The following HSD11B1 variants were observed in gnomAD, a reference collection of about 807,000 sequenced individuals.
The protein encoded by HSD11B1 is hydroxysteroid 11-beta dehydrogenase 1, also known as 11-beta-hydroxysteroid dehydrogenase 1.
Under a neutral mutation model 22.1 loss-of-function variants are expected in HSD11B1, and 15 were observed. The ratio of observed to expected loss-of-function variants is 0.68; its 90% CI spans 0.45 to 1.04. HSD11B1 has a LOEUF of 1.04. Among genes scored for constraint, HSD11B1 ranks in the 50% least tolerant of loss-of-function variants. HSD11B1 has a pLI of 0.00. For missense variants in HSD11B1, 281 were observed against 357.6 expected (o/e 0.79, Z 1.73); for synonymous variants, 122 against 125.2 (o/e 0.97, Z 0.17).
Position 209,707,138 on chromosome 1 carries a change from A to G in HSD11B1, c.517+10A>G, listed in dbSNP as rs1280524126. 1 of 1,607,810 alleles carries G rather than the reference A, an allele frequency of 6.2e-7. No homozygotes were observed. Among genetic ancestry groups the G allele is most frequent in the Non-Finnish European group, 8.5e-7 (1 of 1,176,106 alleles). ...GTCTCCTCTCTGGCTGGTAAGTGGGACAGGGACATATGTGGAAGGTAGAAG... is the reference window on the plus strand; with the variant it reads ...GTCTCCTCTCTGGCTGGTAAGTGGGGCAGGGACATATGTGGAAGGTAGAAG... On this transcript the variant is annotated intron_variant, in intron 4 of 5. Coordinates refer to ENST00000367027, the MANE Select transcript of HSD11B1 (RefSeq NM_005525.4).
chr1:209,705,383 A>C (rs1044843296), intron 1 of HSD11B1, among the ~76,000 whole-genome samples: 4 of 152,032 alleles, frequency 2.6e-5, no homozygotes, highest in Non-Finnish European at 5.9e-5. Flanking sequence ...AAAAAAAAAA[A>C]AAAAAAAAAC....
upstream of HSD11B1, among the ~76,000 whole-genome samples, chr1:209,701,682 T>C (rs1424095808): frequency 6.6e-6 from 1 of 152,240 alleles, no homozygotes; most frequent in Admixed American, 6.5e-5. Flanking sequence ...TAAATAGTCA[T>C]GAAAAGCACT....
intron 4 of HSD11B1, among the ~76,000 whole-genome samples, chr1:209,712,778 C>T (rs1389378751): frequency 6.6e-6 from 1 of 152,196 alleles, no homozygotes; most frequent in Non-Finnish European, 1.5e-5. Flanking sequence ...TGGCCAGGCG[C>T]AGTGGTTTAC....
Position 209,706,894 on chromosome 1 carries a change from G to T in HSD11B1, c.332-49G>T, listed in dbSNP as rs2076863166. On this transcript the variant is annotated intron_variant, in intron 3 of 5. Transcript: ENST00000367027. This position sits in a 1 kb window ranked among gnomAD's most constrained non-coding sequence, Gnocchi z 4.0. ...ACCAAGAGCTTTTGGGAGGAGAATG[G>T]GAAAGGTATCAACCCCAGATGATTT... 1 of 1,609,338 alleles carries T rather than the reference G, an allele frequency of 6.2e-7. No homozygotes were observed. Among genetic ancestry groups the T allele is most frequent in the Admixed American group, 1.7e-5 (1 of 60,018 alleles).
At chr1:209,697,884 C>CTTTTTTTATTTTTT (rs2076800613) in intron 1 of HSD11B1, among the ~76,000 whole-genome samples, 1 of 41,586 alleles carries the variant, frequency 2.4e-5, no homozygotes, top group East Asian at 7.0e-4. Flanking sequence ...TTGTTTTTTC[C>CTTTTTTTATTTTTT]TTTTTTTTTT....
chr1:209,721,961 G>A (rs1445002885), intron 4 of HSD11B1, among the ~76,000 whole-genome samples: 1 of 152,178 alleles, frequency 6.6e-6, no homozygotes, highest in Non-Finnish European at 1.5e-5. Context: ...CTCTCATATG[G>A]CTTAAGTGGA....
intron 4 of HSD11B1, chr1:209,724,008 G>C (rs1026865243): frequency 6.6e-6 from 1 of 152,238 alleles, no homozygotes; most frequent in African/African-American, 2.4e-5. Flanking sequence ...AATACAGTGG[G>C]AATACAAGAG....
At chr1:209,722,772 G>A (rs1320940227) in intron 4 of HSD11B1, among the ~76,000 whole-genome samples, 1 of 152,130 alleles carries the variant, frequency 6.6e-6, no homozygotes, top group Admixed American at 6.5e-5. Flanking sequence ...ATTTGCCTGG[G>A]GTTGCTCTAA....
At chr1:209,698,322 C>A (rs1028752735) in intron 1 of HSD11B1, among the ~76,000 whole-genome samples, 1 of 152,170 alleles carries the variant, frequency 6.6e-6, no homozygotes, top group Admixed American at 6.5e-5. Context: ...TTTAACTGGG[C>A]ATTCTGTATT....
At chr1:209,725,006 C>A (rs746842462) in intron 4 of HSD11B1, among the ~76,000 whole-genome samples, 3 of 152,150 alleles carry the variant, frequency 2.0e-5, no homozygotes, top group Non-Finnish European at 2.9e-5. Flanking sequence ...TAAGGATTTT[C>A]TTTTCATAAT....
At chr1:209,701,155 A>G (rs924006285), upstream of HSD11B1, among the ~76,000 whole-genome samples, 2 of 152,188 alleles carry the variant, frequency 1.3e-5, no homozygotes. Flanking sequence ...GTACCAATTT[A>G]CCGTATTAGT....
At chr1:209,732,761 A>G (rs2077043840) in intron 5 of HSD11B1, among the ~76,000 whole-genome samples, 182 bp downstream of exon 5, 2 of 146,230 alleles carry the variant, frequency 1.4e-5, no homozygotes, top group African/African-American at 5.1e-5. Flanking sequence ...CCCCCACCCA[A>G]CAGGCCCAGT....
chr1:209,689,296 T>G (rs2076745648), intron 1 of HSD11B1, among the ~76,000 whole-genome samples: 1 of 152,082 alleles, frequency 6.6e-6, no homozygotes, highest in Admixed American at 6.5e-5. Flanking sequence ...TAGAAAGGAC[T>G]CAACCAAAGA....
intron 1 of HSD11B1, among the ~76,000 whole-genome samples, chr1:209,695,593 G>A (rs1391885925): frequency 2.0e-5 from 3 of 152,100 alleles, no homozygotes. Flanking sequence ...GGCAGATCAT[G>A]AGGTCAAGAG....
chr1:209,707,149 TG>T, intron 4 of HSD11B1, 21 bp downstream of exon 4: 1 of 1,591,546 alleles, frequency 6.3e-7, no homozygotes, highest in Non-Finnish European at 8.6e-7. Context: ...CAGGGACATA[TG>T]TGGAAGGTAG....
chr1:209,702,932 A>G (rs1458883967), upstream of HSD11B1, among the ~76,000 whole-genome samples: 3 of 152,208 alleles, frequency 2.0e-5, no homozygotes, highest in African/African-American at 4.8e-5. Context: ...CTTTTGCCAT[A>G]TCCTTATTTT....
intron 4 of HSD11B1, among the ~76,000 whole-genome samples, chr1:209,717,468 A>C (rs1040657518): frequency 3.3e-5 from 5 of 152,258 alleles, no homozygotes; most frequent in African/African-American, 1.2e-4. Context: ...AAATTATTAC[A>C]GTCACTATAG....
At chr1:209,722,516 A>ATCACTGGATTGTGGGATGTC (rs1222352219) in intron 4 of HSD11B1, among the ~76,000 whole-genome samples, 1 of 152,230 alleles carries the variant, frequency 6.6e-6, no homozygotes, top group Non-Finnish European at 1.5e-5. Flanking sequence ...TTCTTCAAGA[A>ATCACTGGATTGTGGGATGTC]TCACTGGATT....
At chr1:209,705,999 A>G in intron 2 of HSD11B1, 58 bp downstream of exon 2, 1 of 1,599,040 alleles carries the variant, frequency 6.3e-7, no homozygotes, top group Non-Finnish European at 8.6e-7. Context: ...GTGTTCTTAT[A>G]TATGCTCACA....
Sources: allele counts gnomAD v4.1 joint callset (sites outside exome capture counted in the v4.1 genomes callset), GRCh38; gene constraint gnomAD v4.1.1; non-coding constraint Gnocchi (gnomAD v3.1); transcripts MANE v1.5; gene names NCBI Gene and HGNC (gene_info 2026-07-23, HGNC 2026-07-21).